HECTD4: variants seen among roughly 807,000 people sequenced by gnomAD.
The protein encoded by HECTD4 is HECT domain E3 ubiquitin protein ligase 4, also known as probable E3 ubiquitin-protein ligase HECTD4.
Under a neutral mutation model 471.5 loss-of-function variants are expected in HECTD4, and 114 were observed. The ratio of observed to expected loss-of-function variants is 0.24; its 90% CI spans 0.21 to 0.28. HECTD4 has a LOEUF of 0.28. Ranked by LOEUF, HECTD4 falls within the 10% of genes least tolerant of loss-of-function variation. The pLI is 1.00. For synonymous variants in HECTD4, 2,012 were observed against 2,256.0 expected (o/e 0.89, Z 3.07); for missense variants, 3,866 against 5,651.5 (o/e 0.68, Z 10.13).
chr12:112,230,970 T>C (rs1410618549), intron 39 of HECTD4, 148 bp from the exon 40 acceptor site: 6 of 682,108 alleles, frequency 8.8e-6, no homozygotes. Context: ...AGAAGCTACA[T>C]TATCATTAGG....
At chr12:112,187,938 A>G (rs1354665535) in intron 60 of HECTD4, among the ~76,000 whole-genome samples, 6 of 152,122 alleles carry the variant, frequency 3.9e-5, no homozygotes, top group East Asian at 3.9e-4. Context: ...GGTTTCCTTA[A>G]AACTAAATTT....
intron 1 of HECTD4, among the ~76,000 whole-genome samples, chr12:112,345,224 C>T (rs934347218): frequency 6.6e-6 from 1 of 150,966 alleles, no homozygotes; most frequent in African/African-American, 2.4e-5. Context: ...CTGCACACTC[C>T]AACCTGGGTG....
At chr12:112,232,583 G>A (rs920853119) in intron 38 of HECTD4, among the ~76,000 whole-genome samples, 3 of 151,922 alleles carry the variant, frequency 2.0e-5, no homozygotes, top group African/African-American at 4.8e-5. Context: ...TATTACTATT[G>A]TTTTTATTCC....
chr12:112,281,976 A>G (rs1204602817), intron 8 of HECTD4, among the ~76,000 whole-genome samples: 2 of 152,174 alleles, frequency 1.3e-5, no homozygotes, highest in Non-Finnish European at 2.9e-5. Context: ...ATGACTCTGA[A>G]AATCTAATGA....
In HECTD4 at chr12:112,162,300, G is replaced by A. The variant is rs1461024884; in HGVS notation, c.*87C>T. On this transcript the variant is annotated 3_prime_UTR_variant, in exon 76 of 76. Coordinates refer to ENST00000682272, the MANE Select transcript of HECTD4 (RefSeq NM_001388303.1). This position sits in a 1 kb window ranked among gnomAD's most constrained non-coding sequence, Gnocchi z 5.2. ...AAATGTTGCCAACTCCTCACGCAGGGCCCTGGAGGGACGGGCCGCAGTGGT... is the reference window on the plus strand; with the variant it reads ...AAATGTTGCCAACTCCTCACGCAGGACCCTGGAGGGACGGGCCGCAGTGGT... The A allele has an allele frequency of 1.2e-5, 18 of 1,531,742 alleles. No homozygotes were observed. The highest frequency in any genetic ancestry group is 1.4e-5 in the Non-Finnish European group (16 of 1,110,622). 94.9% of individuals were successfully genotyped at this position (1,531,742 alleles called of 1,614,324 possible).
At position 112,250,154 on chromosome 12, in the gene HECTD4, G is replaced by A; in HGVS notation, c.3940C>T (p.Pro1314Ser). 5 of 1,611,354 alleles carry A rather than the reference G, an allele frequency of 3.1e-6. No individual in the cohort carries two copies. In the South Asian group the frequency reaches 5.5e-5, roughly 18 times the overall value. ...TACACAGCAACATACTTTATACTTG[G>A]TCTAAATTGAGGTCTAGCACGCCCA... is the stretch of plus-strand genomic sequence containing the variant. Reference protein sequence around the residue: ...ISGRARPQFRPSIKEVIQPDV... With the variant: ...ISGRARPQFRSSIKEVIQPDV... Residue 1314 changes from proline to serine, a missense_variant, in exon 25 of 76, where the codon CCA (proline) becomes TCA (serine). Pro to Ser is a moderately conservative substitution (Grantham distance 74). This residue lies in a region of HECTD4 where 281 missense variants were observed against 499.9 expected (regional missense o/e 0.56). Coordinates refer to ENST00000682272, the MANE Select transcript of HECTD4 (RefSeq NM_001388303.1).
intron 44 of HECTD4, among the ~76,000 whole-genome samples, chr12:112,220,809 CAA>C (rs1045978591): frequency 3.3e-5 from 5 of 151,490 alleles, no homozygotes; most frequent in African/African-American, 1.2e-4. Flanking sequence ...AATAAATAAA[CAA>C]GAGATAAGAA....
chr12:112,315,436 A>G (rs1044507961), intron 2 of HECTD4, among the ~76,000 whole-genome samples: 1 of 152,188 alleles, frequency 6.6e-6, no homozygotes, highest in African/African-American at 2.4e-5. Flanking sequence ...GAGAATAAAA[A>G]CAAAAGAATA....
intron 18 of HECTD4, among the ~76,000 whole-genome samples, chr12:112,260,318 T>G (rs2034114382): frequency 2.0e-5 from 3 of 152,184 alleles, no homozygotes; most frequent in Admixed American, 6.5e-5. Context: ...ATATTGGTAG[T>G]GGAACCAGAA....
chr12:112,220,847 G>A (rs1566077420), intron 44 of HECTD4, among the ~76,000 whole-genome samples: 1 of 152,094 alleles, frequency 6.6e-6, no homozygotes, highest in Non-Finnish European at 1.5e-5. Context: ...CTGCATGGTG[G>A]TGCATGCCTG....
chr12:112,278,349 T>G (rs2034567995), intron 9 of HECTD4, among the ~76,000 whole-genome samples: 2 of 152,202 alleles, frequency 1.3e-5, no homozygotes, highest in Non-Finnish European at 2.9e-5. Flanking sequence ...GTGTGAGTTA[T>G]ATTTCAATAA....
chr12:112,266,488 C>CT (rs1392737152), intron 14 of HECTD4, among the ~76,000 whole-genome samples: 1 of 152,148 alleles, frequency 6.6e-6, no homozygotes, highest in Non-Finnish European at 1.5e-5. Flanking sequence ...TACATTCTTT[C>CT]TTTTTTCTTT....
At chr12:112,277,599 G>C (rs1382474645) in intron 9 of HECTD4, among the ~76,000 whole-genome samples, 1 of 152,122 alleles carries the variant, frequency 6.6e-6, no homozygotes, top group Non-Finnish European at 1.5e-5. Context: ...ACATTTGCAA[G>C]CACTAAGGAG....
rs1040585541 is a variant in HECTD4 at position 112,163,487 on chromosome 12, G to A, written c.12897+55C>T. On this transcript the variant is annotated intron_variant, in intron 74 of 75. Coordinates refer to ENST00000682272, the MANE Select transcript of HECTD4 (RefSeq NM_001388303.1). The surrounding 1 kb of genome is among the most constrained non-coding windows in gnomAD (Gnocchi z 8.2). ...TGCTGCTGGAGTTGAGGGTGACAGG[G>A]AGGCACGCCTGGGGCTCACCACCTC... 2.1e-6 allele frequency: 3 copies of A among 1,403,398 alleles called. No homozygotes were observed. The Admixed American group carries it at 8.5e-5, about 40-fold the overall frequency. 86.9% of individuals were successfully genotyped at this position (1,403,398 alleles called of 1,614,324 possible).
Position 112,243,364 on chromosome 12 carries a change from C to T in HECTD4, c.4947G>A (p.Gln1649=). 1.2e-6 allele frequency: 2 copies of T among 1,611,664 alleles called. No homozygotes were observed. The highest frequency in any genetic ancestry group is 2.2e-5 in the South Asian group (2 of 90,512). ...CAGAAACAACTAACCTGGGTCCTCC[C>T]TGAAGGACCATCGTCACTGGACCCA... ...HLVGPVTMVL[Q]GGPRIEELTC... Residue 1649 remains glutamine (Q), a synonymous_variant, in exon 32 of 76, where the codon CAG becomes CAA. Transcript: ENST00000682272. The surrounding 1 kb of genome is among the most constrained non-coding windows in gnomAD (Gnocchi z 6.6).
chr12:112,195,103 T>G, intron 55 of HECTD4, 37 bp from the exon 56 acceptor site: 1 of 1,544,838 alleles, frequency 6.5e-7, no homozygotes, highest in Non-Finnish European at 8.7e-7. Context: ...CTCAAAGCCC[T>G]GATGCTCCGG....
In HECTD4 at chr12:112,207,116, GTGTA is replaced by G. The variant is rs149725381; in HGVS notation, c.8131+754_8131+757del. ...TGTTTGTTTATGTATATGTGTGTGTGTGTATGTATGTATGTATGTATGTATGTAT... is the reference window on the plus strand; with the variant it reads ...TGTTTGTTTATGTATATGTGTGTGTGTGTATGTATGTATGTATGTATGTAT... On this transcript the variant is annotated intron_variant, in intron 52 of 75. Coordinates refer to ENST00000682272, the MANE Select transcript of HECTD4 (RefSeq NM_001388303.1). Among the ~76,000 whole-genome samples, 252 of 147,408 alleles carry G rather than the reference GTGTA, an allele frequency of 1.7e-3. 1 individual carries two copies. Among genetic ancestry groups the G allele is most frequent in the Middle Eastern group, 3.4e-3 (1 of 290 alleles).
intron 32 of HECTD4, among the ~76,000 whole-genome samples, chr12:112,242,255 G>T (rs1036553885): frequency 1.3e-5 from 2 of 152,198 alleles, no homozygotes; most frequent in African/African-American, 4.8e-5. Flanking sequence ...GTGTCCGTCA[G>T]CAGAGGATGT....
chr12:112,326,211 G>A (rs1169839070), intron 1 of HECTD4, among the ~76,000 whole-genome samples: 1 of 152,214 alleles, frequency 6.6e-6, no homozygotes, highest in Non-Finnish European at 1.5e-5. Flanking sequence ...TAGAAGAACA[G>A]AGTGGTCAGG....
Sources: allele counts gnomAD v4.1 joint callset (sites outside exome capture counted in the v4.1 genomes callset), GRCh38; gene constraint gnomAD v4.1.1; regional missense constraint gnomAD v4.1.1; non-coding constraint Gnocchi (gnomAD v3.1); transcripts MANE v1.5; gene names NCBI Gene and HGNC (gene_info 2026-07-23, HGNC 2026-07-21).